The following JARID2 variants were observed in gnomAD, a reference collection of about 807,000 sequenced individuals.
JARID2 encodes protein Jumonji.
In JARID2, 21 loss-of-function variants were observed where a neutral mutation model predicts 125.6. That is an observed-to-expected ratio of 0.17 (90% CI 0.12 to 0.24). The LOEUF (loss-of-function observed/expected upper bound fraction) is 0.24, where lower values mean the gene tolerates loss of function less well. Among genes scored for constraint, JARID2 ranks in the 10% least tolerant of loss-of-function variants. The pLI is 1.00. For synonymous variants in JARID2, 736 were observed against 661.6 expected (o/e 1.11, Z -1.73); for missense variants, 1,303 against 1,639.6 (o/e 0.79, Z 3.55).
chr6:15,375,891 A>G (rs1451204009), intron 2 of JARID2, among the ~76,000 whole-genome samples: 1 of 152,236 alleles, frequency 6.6e-6, no homozygotes, highest in Non-Finnish European at 1.5e-5. Flanking sequence ...AGTGGAAACA[A>G]AAACACCCAT....
chr6:15,315,241 A>G (rs961323773), intron 1 of JARID2, among the ~76,000 whole-genome samples: 2 of 152,232 alleles, frequency 1.3e-5, no homozygotes, highest in African/African-American at 2.4e-5. Context: ...CAGAAAGAAG[A>G]GTTTAGACAT....
intron 1 of JARID2, among the ~76,000 whole-genome samples, chr6:15,307,239 C>G (rs1761860867): frequency 6.6e-6 from 1 of 151,924 alleles, no homozygotes; most frequent in Admixed American, 6.6e-5. Flanking sequence ...GAGACTGTGT[C>G]TCAAAGAAGA....
intron 5 of JARID2, among the ~76,000 whole-genome samples, chr6:15,475,566 A>T (rs1165734070): frequency 6.6e-6 from 1 of 152,216 alleles, no homozygotes; most frequent in Non-Finnish European, 1.5e-5. Context: ...GCCATGAGAC[A>T]AGGCACCTGA....
chr6:15,380,087 G>A (rs746329262), intron 2 of JARID2, among the ~76,000 whole-genome samples: 12 of 151,678 alleles, frequency 7.9e-5, no homozygotes, highest in Non-Finnish European at 1.5e-4. Flanking sequence ...CCAGGCTGGA[G>A]TGTAATGGCG....
At chr6:15,307,965 G>C (rs1761893509) in intron 1 of JARID2, among the ~76,000 whole-genome samples, 2 of 152,172 alleles carry the variant, frequency 1.3e-5, no homozygotes, top group Admixed American at 6.5e-5. Context: ...ACAAGCACTT[G>C]ATAAGCTATA....
rs572071455 is a variant in JARID2, at chr6:15,486,964, TCA to T, written c.671-340_671-339del. 1.7e-4 allele frequency among the ~76,000 whole-genome samples: 26 copies of T among 152,222 alleles called. No individual in the cohort carries two copies. The East Asian group carries it at 5.0e-3, about 29-fold the overall frequency. ...TATAAAGAAAAGAGGTTAAGTGGAC[TCA>T]CAGGTCCGCATGGCTGGGGAGGCCT... is the stretch of plus-strand genomic sequence containing the variant. On this transcript the variant is annotated intron_variant, in intron 5 of 17. Coordinates refer to ENST00000341776, the MANE Select transcript of JARID2 (RefSeq NM_004973.4).
At chr6:15,416,507 G>A (rs1434526396) in intron 3 of JARID2, among the ~76,000 whole-genome samples, 7 of 151,706 alleles carry the variant, frequency 4.6e-5, no homozygotes, top group African/African-American at 1.5e-4. Flanking sequence ...CCAACACAGC[G>A]AAACCCCGTC....
At chr6:15,473,291 C>G (rs1769164506) in intron 5 of JARID2, among the ~76,000 whole-genome samples, 1 of 152,178 alleles carries the variant, frequency 6.6e-6, no homozygotes, top group African/African-American at 2.4e-5. Flanking sequence ...CGTAAGCGCT[C>G]TGAAAGATAG....
rs148135853 is a variant in JARID2 at position 15,426,712 on chromosome 6, C to A, written c.323+16347C>A. 6.2e-4 allele frequency among the ~76,000 whole-genome samples: 95 copies of A among 152,194 alleles called. 1 individual carries two copies. The East Asian group carries it at 0.017, about 28-fold the overall frequency. ...TCACCTTAGTAAATGAAAAACAAAC[C>A]CCAATCTTGCTTGCTTGCTGTTTTT... On this transcript the variant is annotated intron_variant, in intron 3 of 17. Transcript: ENST00000341776.
chr6:15,411,506 C>G, intron 3 of JARID2, among the ~76,000 whole-genome samples: 1 of 152,110 alleles, frequency 6.6e-6, no homozygotes, highest in East Asian at 1.9e-4. Context: ...TCATAAGATT[C>G]GTTATTAGTA....
intron 9 of JARID2, 140 bp from the exon 10 acceptor site, chr6:15,506,996 T>G: frequency 1.6e-6 from 1 of 643,092 alleles, no homozygotes. Context: ...AGCGTCCTGC[T>G]GGAGACACTC....
intron 2 of JARID2, among the ~76,000 whole-genome samples, chr6:15,379,094 C>T (rs562562418): frequency 2.6e-4 from 39 of 151,928 alleles, no homozygotes; most frequent in Admixed American, 1.5e-3. Flanking sequence ...AGTGGAGACA[C>T]GTCGTTTTTC....
rs533236636 is a variant in JARID2, at chr6:15,442,576, T to G, written c.324-9430T>G. 1.6e-4 allele frequency among the ~76,000 whole-genome samples: 25 copies of G among 152,348 alleles called. 1 individual carries two copies. In the South Asian group the frequency reaches 5.2e-3, roughly 32 times the overall value. On this transcript the variant is annotated intron_variant, in intron 3 of 17. Transcript: ENST00000341776. ...AAGAGTATTTGTGGCTCTTCCCTCC[T>G]GGGCTTGGAGTTGTATCCCTCATAA...
intron 2 of JARID2, among the ~76,000 whole-genome samples, chr6:15,401,410 C>G (rs188868974): frequency 6.6e-6 from 1 of 152,302 alleles, no homozygotes; most frequent in Non-Finnish European, 1.5e-5. Flanking sequence ...CCAGCTATAG[C>G]TGGTCCCTTT....
intron 3 of JARID2, among the ~76,000 whole-genome samples, chr6:15,439,447 A>G (rs1443986468): frequency 6.6e-6 from 1 of 152,150 alleles, no homozygotes; most frequent in African/African-American, 2.4e-5. Context: ...ATGAACAGAT[A>G]GTGAGGCTTT....
chr6:15,448,891 G>T (rs902387440), intron 3 of JARID2, among the ~76,000 whole-genome samples: 4 of 151,862 alleles, frequency 2.6e-5, no homozygotes, highest in Admixed American at 1.3e-4. Context: ...TTTTGTGTCT[G>T]TTGAGTCCCA....
chr6:15,381,396 A>C (rs1015535842), intron 2 of JARID2, among the ~76,000 whole-genome samples: 1 of 148,818 alleles, frequency 6.7e-6, no homozygotes, highest in African/African-American at 2.5e-5. Context: ...CGAAGTGTTG[A>C]TGTCTGTGTG....
chr6:15,462,009 G>A (rs769117320), intron 4 of JARID2, among the ~76,000 whole-genome samples: 4 of 152,118 alleles, frequency 2.6e-5, no homozygotes, highest in Non-Finnish European at 4.4e-5. Context: ...GCTATTGAGG[G>A]CTGCTTCCCT....
Position 15,452,044 on chromosome 6 carries a change from A to C in JARID2, c.362A>C (p.Gln121Pro). ...LQAQRKFAQS[Q>P]PNSPSTTPVK... ...GCACAAAGGAAGTTTGCTCAGTCTC[A>C]GCCGAATAGTCCCAGCACAACTCCA... is the stretch of plus-strand genomic sequence containing the variant. Residue 121 changes from glutamine (Q) to proline (P), a missense_variant, in exon 4 of 18, where the codon CAG becomes CCG. Coordinates refer to ENST00000341776, the MANE Select transcript of JARID2 (RefSeq NM_004973.4). 6.2e-7 allele frequency: 1 copy of C among 1,614,020 alleles called. No homozygotes were observed.
Sources: gnomAD v4.1 joint callset for allele counts (sites outside exome capture counted in the v4.1 genomes callset) on GRCh38, gnomAD v4.1.1 for gene constraint, MANE v1.5 for transcripts, NCBI Gene and HGNC (gene_info 2026-07-23, HGNC 2026-07-21) for gene names.